Variants in NCOR2 observed in about 807,000 individuals in gnomAD.
NCOR2 encodes nuclear receptor corepressor 2.
A neutral mutation model predicts 262.9 loss-of-function variants in NCOR2; 81 were observed. The observed-to-expected ratio is 0.31, with a 90% CI of 0.26 to 0.37. The LOEUF is 0.37. Ranked by LOEUF, NCOR2 falls within the 10% of genes least tolerant of loss-of-function variation. NCOR2 has a pLI of 1.00. For missense variants in NCOR2, 3,385 were observed against 3,621.4 expected (o/e 0.93, Z 1.68); for synonymous variants, 1,659 against 1,559.3 (o/e 1.06, Z -1.51).
chr12:124,534,091 C>T (rs890203923), intron 1 of NCOR2, among the ~76,000 whole-genome samples: 2 of 152,116 alleles, frequency 1.3e-5, no homozygotes, highest in Non-Finnish European at 2.9e-5. Context: ...CGGCGTGTGG[C>T]TGGACTGACT....
At position 124,378,154 on chromosome 12, in the gene NCOR2, T is replaced by G; in HGVS notation, c.2167+83A>C. ...CCAGATGACTCAGGGGAGAGGAGGC[T>G]GCCGGGATCAGTTCCCGCTATGCCC... On this transcript the variant is annotated intron_variant, in intron 18 of 46. Coordinates refer to ENST00000405201, the Ensembl canonical transcript of NCOR2. The surrounding 1 kb of genome is among the most constrained non-coding windows in gnomAD (Gnocchi z 4.2). 1 of 1,545,296 alleles carries G rather than the reference T, an allele frequency of 6.5e-7. No homozygotes were observed. The highest frequency in any genetic ancestry group is 8.7e-7 in the Non-Finnish European group (1 of 1,145,552).
At position 124,566,730 on chromosome 12, in the gene NCOR2, G is replaced by T. The variant is rs777682397; in HGVS notation, c.-165+578C>A. ...ACCAGGAACACCGGCCCGCGGGGGA[G>T]GGGGACCAGGGGCGACTCTCCCGAG... On this transcript the variant is annotated intron_variant, in intron 1 of 32. Coordinates refer to the NCOR2 transcript ENST00000458234. The surrounding 1 kb of genome is among the most constrained non-coding windows in gnomAD (Gnocchi z 4.3). Among the ~76,000 whole-genome samples, 1 of 152,172 alleles carries T rather than the reference G, an allele frequency of 6.6e-6. No homozygotes were observed. Among genetic ancestry groups the T allele is most frequent in the Non-Finnish European group, 1.5e-5 (1 of 68,006 alleles).
At position 124,389,565 on chromosome 12, in the gene NCOR2, C is replaced by T. The variant is rs908746958; in HGVS notation, c.1877-3678G>A. The stretch of plus-strand genomic sequence containing the variant: ...TCTTCCGCCATCATCCCCCGCCGCC[C>T]GTCCCCCCACCCTCCGTGTCAGTTC... On this transcript the variant is annotated intron_variant, in intron 16 of 46. Transcript: ENST00000405201. The surrounding 1 kb of genome is among the most constrained non-coding windows in gnomAD (Gnocchi z 4.4). 6.6e-6 allele frequency among the ~76,000 whole-genome samples: 1 copy of T among 152,184 alleles called. No homozygotes were observed. Among genetic ancestry groups the T allele is most frequent in the Non-Finnish European group, 1.5e-5 (1 of 68,024 alleles).
chr12:124,418,906 C>T (rs1021560872), intron 13 of NCOR2, among the ~76,000 whole-genome samples: 6 of 152,194 alleles, frequency 3.9e-5, no homozygotes, highest in African/African-American at 7.2e-5. Context: ...GGACGCTCCA[C>T]GCGGCTCGTG....
At position 124,396,992 on chromosome 12, in the gene NCOR2, G is replaced by A. The variant is rs932803610; in HGVS notation, c.1876+1127C>T. Among the ~76,000 whole-genome samples the A allele has an allele frequency of 3.3e-5, 5 of 152,352 alleles. No individual in the cohort carries two copies. In the East Asian group the frequency reaches 7.7e-4, roughly 24 times the overall value. The stretch of plus-strand genomic sequence containing the variant: ...AGCAGGGCCACGGGACCAAGCACGG[G>A]ACAGGGACGGGGAGTGGGGGCCTGG... On this transcript the variant is annotated intron_variant, in intron 16 of 46. Transcript: ENST00000405201.
At chr12:124,412,673 A>G (rs1317817738) in intron 13 of NCOR2, among the ~76,000 whole-genome samples, 3 of 152,142 alleles carry the variant, frequency 2.0e-5, no homozygotes, top group Non-Finnish European at 2.9e-5. Context: ...GGGCTTAACA[A>G]CCCCTTCAGC....
intron 1 of NCOR2, among the ~76,000 whole-genome samples, chr12:124,506,406 C>T (rs369122144): frequency 6.6e-5 from 10 of 152,142 alleles, no homozygotes; most frequent in Non-Finnish European, 1.0e-4. Context: ...CGTTCCTGTC[C>T]GCTGGACGGC....
At chr12:124,326,478 G>A in intron 45 of NCOR2, 108 bp from the exon 48 acceptor site, 1 of 1,104,658 alleles carries the variant, frequency 9.1e-7, no homozygotes, top group Non-Finnish European at 1.2e-6. Flanking sequence ...GCCCTCCAAA[G>A]AGGGAGGGAG....
chr12:124,340,805 T>C, intron 34 of NCOR2, 54 bp from the exon 37 acceptor site: 3 of 1,437,550 alleles, frequency 2.1e-6, no homozygotes, highest in Non-Finnish European at 2.7e-6. Context: ...GAGGCCAGGC[T>C]GCCCACCGGC....
At chr12:124,501,765 G>A (rs954384486) in intron 1 of NCOR2, among the ~76,000 whole-genome samples, 11 of 152,200 alleles carry the variant, frequency 7.2e-5, no homozygotes, top group Non-Finnish European at 1.2e-4. Flanking sequence ...CAGGTTCCAC[G>A]CAGACGTACC....
intron 8 of NCOR2, among the ~76,000 whole-genome samples, chr12:124,431,993 C>T (rs1376612178): frequency 6.6e-6 from 1 of 151,954 alleles, no homozygotes; most frequent in Non-Finnish European, 1.5e-5. Context: ...GACACACACA[C>T]ATGGTCATGC....
chr12:124,516,144 T>C (rs528515015), intron 1 of NCOR2, among the ~76,000 whole-genome samples: 11 of 152,314 alleles, frequency 7.2e-5, no homozygotes, highest in Non-Finnish European at 1.2e-4. Context: ...GCGGGGGGCC[T>C]GGACGCCCGG....
At chr12:124,372,156 G>A (rs756845867) in exon 20 of NCOR2, 1 of 1,601,448 alleles carries the variant, frequency 6.2e-7, no homozygotes, top group Non-Finnish European at 8.5e-7. Context: ...TCTCTGCCTT[G>A]AGCGCCCCCT....
chr12:124,471,203 CT>C (rs1307526184), intron 4 of NCOR2, among the ~76,000 whole-genome samples: 1 of 152,230 alleles, frequency 6.6e-6, no homozygotes, highest in Admixed American at 6.5e-5. Flanking sequence ...TGCTCTCCCC[CT>C]GGAGCGTCCT....
At chr12:124,431,493 T>C (rs2043928843) in intron 8 of NCOR2, among the ~76,000 whole-genome samples, 2 of 124,672 alleles carry the variant, frequency 1.6e-5, no homozygotes, top group African/African-American at 6.5e-5. Flanking sequence ...CACACAGATA[T>C]ATACACAGGC....
chr12:124,354,957 T>TG lies in NCOR2; in HGVS notation c.3382-19dup. 3 of 1,608,874 alleles carry TG rather than the reference T, an allele frequency of 1.9e-6. No individual in the cohort carries two copies. Among genetic ancestry groups the TG allele is most frequent in the Non-Finnish European group, 2.5e-6 (3 of 1,176,816 alleles). On this transcript the variant is annotated intron_variant, in intron 24 of 46. Coordinates refer to ENST00000405201, the Ensembl canonical transcript of NCOR2. ...GACATTCCCTGTAGGGGCGGAGTTG[T>TG]GGGGTCACAGGGGCACCCTGGTCCC...
chr12:124,488,510 AG>A (rs1182803988), intron 1 of NCOR2, among the ~76,000 whole-genome samples: 2 of 152,156 alleles, frequency 1.3e-5, no homozygotes, highest in African/African-American at 4.8e-5. Context: ...GATTCCCCCA[AG>A]GCTGAGAGCA....
intron 41 of NCOR2, among the ~76,000 whole-genome samples, chr12:124,333,490 T>A (rs2035415703): frequency 6.6e-6 from 1 of 151,458 alleles, no homozygotes; most frequent in Non-Finnish European, 1.5e-5. Context: ...TGTAAAATCA[T>A]TTTTTTAGTT....
Position 124,355,582 on chromosome 12 carries a change from CAT to C in NCOR2, c.3242-13_3242-12del, listed in dbSNP as rs2037882381. ...GGGGCAGTGGGTGACCTGTGGAGCACATGTCTGTCCATTGTGGGGCCCAGGAG... is the reference window on the plus strand; with the variant it reads ...GGGGCAGTGGGTGACCTGTGGAGCACGTCTGTCCATTGTGGGGCCCAGGAG... On this transcript the variant is annotated splice_polypyrimidine_tract_variant and intron_variant, in intron 23 of 46. Transcript: ENST00000405201. 7.1e-6 allele frequency: 11 copies of C among 1,546,812 alleles called. No individual in the cohort carries two copies. The highest frequency in any genetic ancestry group is 1.4e-5 in the African/African-American group (1 of 72,936).
Sources: gnomAD v4.1 joint callset for allele counts (sites outside exome capture counted in the v4.1 genomes callset) on GRCh38, gnomAD v4.1.1 for gene constraint, Gnocchi (gnomAD v3.1) non-coding constraint, MANE v1.5 for transcripts, NCBI Gene and HGNC (gene_info 2026-07-23, HGNC 2026-07-21) for gene names.